The following POU2F1 variants were observed in gnomAD, a reference collection of about 807,000 sequenced individuals.
POU2F1 encodes POU class 2 homeobox 1, also known as POU domain, class 2, transcription factor 1.
In POU2F1, 16 loss-of-function variants were observed where a neutral mutation model predicts 84.9. That is an observed-to-expected ratio of 0.19 (90% CI 0.13 to 0.29). The LOEUF (loss-of-function observed/expected upper bound fraction) is 0.29. POU2F1 is among the 10% of genes least tolerant of loss of function. The pLI, the probability that POU2F1 is intolerant of heterozygous loss-of-function variation, is 1.00. For missense variants in POU2F1, 738 were observed against 942.6 expected, an observed-to-expected ratio of 0.78 and a Z score of 2.84; for synonymous variants, 368 against 368.3, an observed-to-expected ratio of 1.00 and a Z score of 0.01.
chr1:167,329,580 G>A (rs1369949874), intron 1 of POU2F1, among the ~76,000 whole-genome samples: 3 of 151,920 alleles, frequency 2.0e-5, no homozygotes, highest in Non-Finnish European at 4.4e-5. Flanking sequence ...TTTGCTTTTT[G>A]GAAATTCCTA....
intron 1 of POU2F1, among the ~76,000 whole-genome samples, chr1:167,307,574 A>G (rs995839137): frequency 6.6e-6 from 1 of 152,140 alleles, no homozygotes; most frequent in Non-Finnish European, 1.5e-5. Flanking sequence ...AGAAAAAATG[A>G]AAGAATAGTG....
intron 2 of POU2F1, among the ~76,000 whole-genome samples, chr1:167,363,377 TC>T (rs1294097958): frequency 9.9e-5 from 15 of 152,214 alleles, no homozygotes; most frequent in Non-Finnish European, 1.6e-4. Flanking sequence ...GTGAACAGTC[TC>T]TTTTTCCTCC....
At chr1:167,221,968 G>A (rs1283201689) in intron 1 of POU2F1, among the ~76,000 whole-genome samples, 1 of 152,066 alleles carries the variant, frequency 6.6e-6, no homozygotes, top group Non-Finnish European at 1.5e-5. Context: ...AGTTGGGCTG[G>A]AGGTGCCTGG....
chr1:167,272,528 G>A (rs1248310720), intron 1 of POU2F1, among the ~76,000 whole-genome samples: 1 of 152,104 alleles, frequency 6.6e-6, no homozygotes, highest in Non-Finnish European at 1.5e-5. Context: ...AAGCGTGGTG[G>A]GGGAAGGCCT....
intron 2 of POU2F1, among the ~76,000 whole-genome samples, chr1:167,340,497 T>A (rs996014441): frequency 6.1e-5 from 9 of 148,430 alleles, no homozygotes; most frequent in Admixed American, 5.4e-4. Flanking sequence ...AGTGGCACGA[T>A]CTCGGCTCAC....
intron 2 of POU2F1, among the ~76,000 whole-genome samples, chr1:167,335,110 T>C (rs1476431362): frequency 1.3e-5 from 2 of 152,252 alleles, no homozygotes; most frequent in African/African-American, 4.8e-5. Flanking sequence ...CTTTTATGTT[T>C]GCAGAAAATT....
intron 2 of POU2F1, among the ~76,000 whole-genome samples, chr1:167,333,598 C>T (rs535943927): frequency 2.0e-5 from 3 of 152,266 alleles, no homozygotes; most frequent in South Asian, 2.1e-4. Flanking sequence ...CCTGGAGATG[C>T]TTATGTTAAT....
At chr1:167,338,306 G>A (rs2101747069) in intron 2 of POU2F1, 1 of 453,404 alleles carries the variant, frequency 2.2e-6, no homozygotes, top group Non-Finnish European at 4.4e-6. Flanking sequence ...TTACTTTACT[G>A]TAAGAATACA....
At chr1:167,344,582 G>C (rs1270859745) in intron 2 of POU2F1, among the ~76,000 whole-genome samples, 1 of 152,140 alleles carries the variant, frequency 6.6e-6, no homozygotes, top group African/African-American at 2.4e-5. Flanking sequence ...TGCTAGTTGT[G>C]TTACCTTAGG....
chr1:167,304,314 T>A (rs980839782), intron 1 of POU2F1, among the ~76,000 whole-genome samples: 1 of 152,218 alleles, frequency 6.6e-6, no homozygotes, highest in Non-Finnish European at 1.5e-5. Context: ...TTATTTTATT[T>A]AAGCCTACGA....
Position 167,427,137 on chromosome 1 carries a change from A to C in POU2F1, c.*11327A>C, listed in dbSNP as rs531112894. 4.6e-5 allele frequency: 7 copies of C among 152,318 alleles called. No individual in the cohort carries two copies. Among genetic ancestry groups the C allele is most frequent in the Admixed American group, 2.6e-4 (4 of 15,298 alleles). 9.4% of individuals were successfully genotyped at this position (152,318 alleles called of 1,614,324 possible). A position where few individuals can be genotyped will look rare whatever the true frequency, so the allele number is the denominator to read the frequency against. On this transcript the variant is annotated 3_prime_UTR_variant, in exon 16 of 16. Coordinates refer to ENST00000367866, the MANE Select transcript of POU2F1 (RefSeq NM_002697.4). ...GCTGTCTCTCTCAAAAGTGCCCTTTAGATGATTCCCCCTCCTAGGGCTGCC... is the reference window on the plus strand; with the variant it reads ...GCTGTCTCTCTCAAAAGTGCCCTTTCGATGATTCCCCCTCCTAGGGCTGCC...
intron 2 of POU2F1, among the ~76,000 whole-genome samples, chr1:167,354,916 T>C (rs895336308): frequency 9.9e-5 from 15 of 152,222 alleles, no homozygotes; most frequent in African/African-American, 2.9e-4. Context: ...TCTTTGTGTA[T>C]TCTGAATACT....
chr1:167,227,901 C>G (rs1160556529), intron 1 of POU2F1, among the ~76,000 whole-genome samples: 1 of 152,136 alleles, frequency 6.6e-6, no homozygotes, highest in Non-Finnish European at 1.5e-5. Flanking sequence ...TAGATATAAT[C>G]TTTGCTAAAG....
At chr1:167,301,520 C>T (rs1400598397) in intron 1 of POU2F1, among the ~76,000 whole-genome samples, 2 of 152,200 alleles carry the variant, frequency 1.3e-5, no homozygotes, top group Non-Finnish European at 2.9e-5. Context: ...GCCAGCTGTG[C>T]ATGTTGCTAT....
At chr1:167,337,179 A>C (rs1322982792) in intron 2 of POU2F1, among the ~76,000 whole-genome samples, 1 of 151,504 alleles carries the variant, frequency 6.6e-6, no homozygotes, top group Non-Finnish European at 1.5e-5. Flanking sequence ...AAAAAAAAAA[A>C]AGCTAGGTGT....
intron 2 of POU2F1, among the ~76,000 whole-genome samples, chr1:167,360,381 TG>T (rs1220790231): frequency 6.6e-6 from 1 of 152,216 alleles, no homozygotes; most frequent in Admixed American, 6.5e-5. Context: ...TTGTATATAG[TG>T]AGACGTAGCG....
intron 7 of POU2F1, among the ~76,000 whole-genome samples, chr1:167,382,906 T>C (rs777119468): frequency 2.6e-5 from 4 of 152,350 alleles, no homozygotes; most frequent in Non-Finnish European, 4.4e-5. Flanking sequence ...CTATGGCTAA[T>C]CTCTGGCAGG....
chr1:167,281,533 A>G (rs542239712), intron 1 of POU2F1, among the ~76,000 whole-genome samples: 6 of 152,242 alleles, frequency 3.9e-5, no homozygotes, highest in Admixed American at 1.3e-4. Flanking sequence ...TATGGACAAA[A>G]AAAGGAAAGT....
intron 2 of POU2F1, among the ~76,000 whole-genome samples, chr1:167,354,641 G>A (rs755198796): frequency 6.6e-6 from 1 of 152,140 alleles, no homozygotes; most frequent in Non-Finnish European, 1.5e-5. Flanking sequence ...AGTACTGCCA[G>A]CCAGTTTTCC....
Sources: allele counts gnomAD v4.1 joint callset (sites outside exome capture counted in the v4.1 genomes callset), GRCh38; gene constraint gnomAD v4.1.1; transcripts MANE v1.5; gene names NCBI Gene and HGNC (gene_info 2026-07-23, HGNC 2026-07-21).